The following LRRC4C variants were observed in gnomAD, a reference collection of about 807,000 sequenced individuals.
The protein encoded by LRRC4C is leucine rich repeat containing 4C.
LRRC4C carries 5 observed loss-of-function variants against 33.6 expected under a neutral mutation model. That is an observed-to-expected ratio of 0.15 (90% CI 0.08 to 0.31). The LOEUF is 0.31. LRRC4C is among the 10% of genes least tolerant of loss of function. The pLI is 1.00. For synonymous variants in LRRC4C, 329 were observed against 302.0 expected (o/e 1.09, Z -0.93); for missense variants, 560 against 796.7 (o/e 0.70, Z 3.58).
chr11:40,815,313 A>T (rs1450660155), intron 2 of LRRC4C, among the ~76,000 whole-genome samples: 1 of 152,062 alleles, frequency 6.6e-6, no homozygotes, highest in South Asian at 2.1e-4. Flanking sequence ...CACAGGAAAA[A>T]CTTGCCCCTT....
intron 1 of LRRC4C, among the ~76,000 whole-genome samples, chr11:41,133,508 G>C (rs1158565227): frequency 2.5e-5 from 2 of 78,478 alleles, no homozygotes; most frequent in Non-Finnish European, 4.7e-5. Context: ...CAACAGAATA[G>C]ATACCCTCTT....
intron 3 of LRRC4C, among the ~76,000 whole-genome samples, chr11:40,367,256 CATTT>C (rs1225896845): frequency 6.6e-6 from 1 of 152,020 alleles, no homozygotes; most frequent in Admixed American, 6.6e-5. Context: ...ACTAGTACCA[CATTT>C]AGAGCTCCAT....
At chr11:40,212,190 A>G (rs1331493969) in intron 5 of LRRC4C, among the ~76,000 whole-genome samples, 1 of 152,186 alleles carries the variant, frequency 6.6e-6, no homozygotes, top group Non-Finnish European at 1.5e-5. Context: ...ATTTTGATCC[A>G]TCTAAAAAGT....
intron 4 of LRRC4C, among the ~76,000 whole-genome samples, chr11:40,311,860 G>A (rs1482499100): frequency 6.7e-6 from 1 of 149,478 alleles, no homozygotes; most frequent in Non-Finnish European, 1.5e-5. Context: ...CAGGAGAATT[G>A]CTTGAACCTG....
chr11:41,299,397 A>C (rs917832374), intron 1 of LRRC4C, among the ~76,000 whole-genome samples: 1 of 152,112 alleles, frequency 6.6e-6, no homozygotes, highest in African/African-American at 2.4e-5. Context: ...TCACTTCAAC[A>C]ATCACAGTTG....
intron 2 of LRRC4C, among the ~76,000 whole-genome samples, chr11:40,788,301 T>C (rs1200955136): frequency 8.8e-6 from 1 of 113,996 alleles, no homozygotes; most frequent in Non-Finnish European, 1.8e-5. Context: ...CAACTGAACA[T>C]TTTTTTTTCT....
chr11:40,169,834 A>G (rs1446414974), intron 5 of LRRC4C, among the ~76,000 whole-genome samples: 1 of 152,218 alleles, frequency 6.6e-6, no homozygotes, highest in Non-Finnish European at 1.5e-5. Context: ...CTAATTATAT[A>G]TAAGGGTAGG....
chr11:40,904,786 C>T (rs59691256), intron 2 of LRRC4C, among the ~76,000 whole-genome samples: 5,649 of 152,146 alleles, frequency 0.037, 140 homozygotes, highest in African/African-American at 0.067. Context: ...AAACTAAAGT[C>T]CTATGCTAGG....
chr11:40,522,533 C>T (rs1404295760), intron 3 of LRRC4C, among the ~76,000 whole-genome samples: 1 of 152,148 alleles, frequency 6.6e-6, no homozygotes, highest in Non-Finnish European at 1.5e-5. Context: ...ATGGTTTTAC[C>T]ACTTTCCACA....
chr11:41,233,228 GT>G (rs937909971), intron 1 of LRRC4C, among the ~76,000 whole-genome samples: 5 of 152,018 alleles, frequency 3.3e-5, no homozygotes, highest in African/African-American at 9.6e-5. Context: ...GAGTCAAAAG[GT>G]TAAGAAAGTT....
intron 6 of LRRC4C, among the ~76,000 whole-genome samples, chr11:40,128,006 A>T (rs1431788885): frequency 6.6e-6 from 1 of 152,198 alleles, no homozygotes; most frequent in African/African-American, 2.4e-5. Flanking sequence ...GCTGAAGCAC[A>T]AAAAGAATGC....
intron 1 of LRRC4C, among the ~76,000 whole-genome samples, chr11:41,410,382 GT>G (rs72415034): frequency 0.92 from 137,503 of 149,538 alleles, 63,272 homozygotes; most frequent in East Asian, 1. Context: ...TCCAAAGAAT[GT>G]TTTTTTCTTA....
At chr11:40,436,789 A>G (rs1951157924) in intron 3 of LRRC4C, among the ~76,000 whole-genome samples, 1 of 152,180 alleles carries the variant, frequency 6.6e-6, no homozygotes, top group Non-Finnish European at 1.5e-5. Flanking sequence ...GGTGAAGAAC[A>G]GCACTGTCAG....
At chr11:40,172,042 G>A (rs1173945753) in intron 5 of LRRC4C, among the ~76,000 whole-genome samples, 1 of 152,118 alleles carries the variant, frequency 6.6e-6, no homozygotes, top group Non-Finnish European at 1.5e-5. Flanking sequence ...ACTGAAAGGA[G>A]TCCGTTTGCT....
At chr11:41,123,958 G>A (rs1422711321) in intron 1 of LRRC4C, among the ~76,000 whole-genome samples, 2 of 152,110 alleles carry the variant, frequency 1.3e-5, no homozygotes, top group African/African-American at 4.8e-5. Flanking sequence ...GTGAACTATT[G>A]CCACAGCATG....
intron 2 of LRRC4C, among the ~76,000 whole-genome samples, chr11:40,701,156 T>C (rs1015392749): frequency 3.9e-5 from 6 of 152,178 alleles, no homozygotes; most frequent in African/African-American, 1.2e-4. Context: ...AAGATCTCAA[T>C]TGAACAGCTT....
rs1441536666 is a variant in LRRC4C, at chr11:40,392,888, G to A, written c.-269-73167C>T. On this transcript the variant is annotated intron_variant, in intron 3 of 6. Transcript: ENST00000528697. ...TTGCTGAGTGCTCGCGAAATGCCCC[G>A]CTGAATATTTCTTGGTGGGATAAAG... Among the ~76,000 whole-genome samples the A allele has an allele frequency of 4.6e-5, 7 of 151,976 alleles. No individual in the cohort carries two copies. The East Asian group carries it at 5.8e-4, about 13-fold the overall frequency.
At chr11:41,132,537 G>T (rs920655143) in intron 1 of LRRC4C, among the ~76,000 whole-genome samples, 1 of 152,034 alleles carries the variant, frequency 6.6e-6, no homozygotes, top group Non-Finnish European at 1.5e-5. Context: ...AATGACAAGT[G>T]AAATAAAAAG....
chr11:40,795,876 T>C (rs1018285257), intron 2 of LRRC4C, among the ~76,000 whole-genome samples: 5 of 152,176 alleles, frequency 3.3e-5, no homozygotes, highest in Admixed American at 2.0e-4. Flanking sequence ...TAAGAATTAA[T>C]AGGGCCACCT....
Sources: gnomAD v4.1 joint callset for allele counts (sites outside exome capture counted in the v4.1 genomes callset) on GRCh38, gnomAD v4.1.1 for gene constraint, MANE v1.5 for transcripts, NCBI Gene and HGNC (gene_info 2026-07-23, HGNC 2026-07-21) for gene names.